MYO1D: variants seen among roughly 807,000 people sequenced by gnomAD.
The protein encoded by MYO1D is myosin ID, also known as unconventional myosin-Id.
In MYO1D, 83 loss-of-function variants were observed where a neutral mutation model predicts 122.0. That is an observed-to-expected ratio of 0.68 (90% CI 0.57 to 0.82). The LOEUF (loss-of-function observed/expected upper bound fraction) is 0.82. Among genes scored for constraint, MYO1D ranks in the 40% least tolerant of loss-of-function variants. The pLI, the probability that MYO1D is intolerant of heterozygous loss-of-function variation, is 0.00. For synonymous variants in MYO1D, 464 were observed against 446.9 expected (o/e 1.04, Z -0.48); for missense variants, 1,157 against 1,269.5 (o/e 0.91, Z 1.35).
intron 16 of MYO1D, among the ~76,000 whole-genome samples, chr17:32,683,795 G>A (rs2088961740): frequency 2.0e-5 from 3 of 152,234 alleles, no homozygotes; most frequent in Non-Finnish European, 4.4e-5. Flanking sequence ...CTTCCCGGCT[G>A]CTTTGTTTAC....
chr17:32,821,923 A>T (rs181241111), intron 1 of MYO1D, among the ~76,000 whole-genome samples: 1 of 152,128 alleles, frequency 6.6e-6, no homozygotes, highest in Non-Finnish European at 1.5e-5. Flanking sequence ...TACACTGTTG[A>T]TGGGACTGTA....
intron 16 of MYO1D, among the ~76,000 whole-genome samples, chr17:32,696,665 G>T (rs1164624237): frequency 6.6e-6 from 1 of 152,226 alleles, no homozygotes; most frequent in Non-Finnish European, 1.5e-5. Context: ...ACGTGGCACT[G>T]CTGCCACATG....
chr17:32,538,297 T>TTTA (rs1555623744), intron 21 of MYO1D, among the ~76,000 whole-genome samples: 2 of 131,974 alleles, frequency 1.5e-5, no homozygotes, highest in African/African-American at 2.8e-5. Flanking sequence ...TTTTTTTTTT[T>TTTA]AGAGACAGGG....
In MYO1D at chr17:32,599,019, G is replaced by A. The variant is rs553693670; in HGVS notation, c.2864+6068C>T. On this transcript the variant is annotated intron_variant, in intron 21 of 21. Transcript: ENST00000318217. ...GATCAGGGTGGTGGTTGCTGATGGC[G>A]GGGGTGGCTGTGGCAATTTCTTTAA... is the stretch of plus-strand genomic sequence containing the variant. Among the ~76,000 whole-genome samples the A allele has an allele frequency of 4.6e-5, 7 of 152,304 alleles. No homozygotes were observed. In the East Asian group the frequency reaches 1.2e-3, roughly 25 times the overall value.
At chr17:32,504,336 TCCC>T (rs1909422396) in intron 21 of MYO1D, among the ~76,000 whole-genome samples, 1 of 152,186 alleles carries the variant, frequency 6.6e-6, no homozygotes, top group Non-Finnish European at 1.5e-5. Flanking sequence ...CACCCATTCT[TCCC>T]TTCCCTGCCC....
chr17:32,805,720 A>G (rs1233004624), intron 1 of MYO1D, among the ~76,000 whole-genome samples: 1 of 152,168 alleles, frequency 6.6e-6, no homozygotes, highest in Non-Finnish European at 1.5e-5. Flanking sequence ...AGGATAGTCT[A>G]ACCCTGATCA....
At chr17:32,628,981 A>G (rs2087965106) in intron 20 of MYO1D, among the ~76,000 whole-genome samples, 1 of 152,262 alleles carries the variant, frequency 6.6e-6, no homozygotes, top group Non-Finnish European at 1.5e-5. Context: ...GGAAGCAATC[A>G]ATAGGTGAAT....
At chr17:32,810,500 C>T (rs1281039274) in intron 1 of MYO1D, among the ~76,000 whole-genome samples, 1 of 146,416 alleles carries the variant, frequency 6.8e-6, no homozygotes, top group Non-Finnish European at 1.5e-5. Flanking sequence ...TTTTTTGAGA[C>T]AGAGTCTCGC....
In MYO1D at chr17:32,534,656, AC is replaced by A. The variant is rs371476962; in HGVS notation, c.2865-39742del. ...AATAATCTGTTGCAAAGGGCGAAGT[AC>A]AAAAAACAGCTGAAGAGTGCGGCGG... On this transcript the variant is annotated intron_variant, in intron 21 of 21. Coordinates refer to ENST00000318217, the MANE Select transcript of MYO1D (RefSeq NM_015194.3). Among the ~76,000 whole-genome samples, 331 of 152,352 alleles carry A rather than the reference AC, an allele frequency of 2.2e-3. 2 individuals are homozygous for A. Among genetic ancestry groups the A allele is most frequent in the African/African-American group, 7.7e-3 (319 of 41,580 alleles).
intron 1 of MYO1D, among the ~76,000 whole-genome samples, chr17:32,792,296 C>A (rs1462912676): frequency 6.6e-6 from 1 of 152,184 alleles, no homozygotes. Context: ...ATTTAAACTT[C>A]TGCTTATAAT....
rs2091000483 is a variant in MYO1D at position 32,852,798 on chromosome 17, T to A, written c.95+23980A>T. 2.0e-5 allele frequency among the ~76,000 whole-genome samples: 3 copies of A among 152,340 alleles called. No individual in the cohort carries two copies. In the South Asian group the frequency reaches 6.2e-4, roughly 32 times the overall value. On this transcript the variant is annotated intron_variant, in intron 1 of 21. Transcript: ENST00000318217. ...ATTTAGATAAAAAAAGAAACAATTT[T>A]GAGAAACAAACCAGAGGTCCAAAAG...
intron 1 of MYO1D, among the ~76,000 whole-genome samples, chr17:32,842,819 C>T (rs1393895290): frequency 6.6e-6 from 1 of 151,514 alleles, no homozygotes; most frequent in Non-Finnish European, 1.5e-5. Flanking sequence ...ATCACTATTT[C>T]TTTCAATACA....
intron 16 of MYO1D, among the ~76,000 whole-genome samples, chr17:32,685,470 G>T (rs935295358): frequency 6.6e-6 from 1 of 152,144 alleles, no homozygotes. Context: ...CTTCCAAAGG[G>T]GCAGAAAACC....
At chr17:32,822,697 C>T (rs1377554935) in intron 1 of MYO1D, among the ~76,000 whole-genome samples, 2 of 150,840 alleles carry the variant, frequency 1.3e-5, no homozygotes, top group African/African-American at 4.8e-5. Flanking sequence ...GCGCGTCCCT[C>T]CTCCTCTTTC....
intron 21 of MYO1D, among the ~76,000 whole-genome samples, chr17:32,537,053 A>G (rs867842952): frequency 1.3e-5 from 2 of 152,234 alleles, no homozygotes; most frequent in African/African-American, 4.8e-5. Context: ...AGAAACATCT[A>G]AGAGTGCAAC....
intron 16 of MYO1D, among the ~76,000 whole-genome samples, chr17:32,663,560 C>T (rs1464793289): frequency 1.3e-5 from 2 of 152,124 alleles, no homozygotes; most frequent in Non-Finnish European, 2.9e-5. Context: ...CCAAGTGTTC[C>T]TTTTTCATGT....
intron 21 of MYO1D, among the ~76,000 whole-genome samples, chr17:32,540,959 G>T (rs903572126): frequency 7.3e-5 from 11 of 151,200 alleles, no homozygotes; most frequent in Admixed American, 5.3e-4. Context: ...GTAAGTGTTG[G>T]CAAGGAATGG....
intron 15 of MYO1D, among the ~76,000 whole-genome samples, chr17:32,716,754 C>T (rs1335162995): frequency 6.6e-6 from 1 of 152,218 alleles, no homozygotes; most frequent in Non-Finnish European, 1.5e-5. Flanking sequence ...CCTACAGCCC[C>T]ACTGCTCAGC....
At chr17:32,678,769 T>C (rs1021540472) in intron 16 of MYO1D, among the ~76,000 whole-genome samples, 44 of 149,362 alleles carry the variant, frequency 2.9e-4, no homozygotes, top group Admixed American at 6.0e-4. Flanking sequence ...TTTGGGTATA[T>C]ACCCAGTAAT....
Sources: allele counts gnomAD v4.1 joint callset (sites outside exome capture counted in the v4.1 genomes callset), GRCh38; gene constraint gnomAD v4.1.1; transcripts MANE v1.5; gene names NCBI Gene and HGNC (gene_info 2026-07-23, HGNC 2026-07-21).